SUPT3H: variants seen among roughly 807,000 people sequenced by gnomAD.
SUPT3H encodes transcription initiation protein SPT3 homolog.
A neutral mutation model predicts 44.3 loss-of-function variants in SUPT3H; 44 were observed. The ratio of observed to expected loss-of-function variants is 0.99; its 90% CI spans 0.78 to 1.28. The LOEUF (loss-of-function observed/expected upper bound fraction) is 1.28. SUPT3H is among the 50% of genes most tolerant of loss of function. The probability of loss-of-function intolerance (pLI) is 0.00; values close to 1 mark genes in which losing one functional copy is unlikely to be tolerated. For synonymous variants in SUPT3H, 124 were observed against 125.6 expected (o/e 0.99, Z 0.09); for missense variants, 380 against 387.1 (o/e 0.98, Z 0.15).
At chr6:45,047,049 T>C (rs935754188) in intron 3 of SUPT3H, among the ~76,000 whole-genome samples, 1 of 152,228 alleles carries the variant, frequency 6.6e-6, no homozygotes, top group Non-Finnish European at 1.5e-5. Flanking sequence ...TCGATTAACA[T>C]TGTATCTTTG....
intron 2 of SUPT3H, among the ~76,000 whole-genome samples, chr6:45,267,991 T>C (rs1330634591): frequency 3.3e-5 from 5 of 152,306 alleles, no homozygotes; most frequent in African/African-American, 9.6e-5. Context: ...AAAAGAGTTA[T>C]AGGTACATTA....
At chr6:45,155,933 A>T (rs1807742893) in intron 2 of SUPT3H, among the ~76,000 whole-genome samples, 1 of 152,162 alleles carries the variant, frequency 6.6e-6, no homozygotes. Flanking sequence ...ATATTTTTGA[A>T]CTATACCTTA....
At chr6:45,063,120 G>C (rs9472431) in intron 3 of SUPT3H, among the ~76,000 whole-genome samples, 6 of 133,790 alleles carry the variant, frequency 4.5e-5, no homozygotes, top group African/African-American at 1.1e-4. Context: ...ATCTGAGAAC[G>C]GGCAGACTGC....
At chr6:44,952,049 G>GA (rs1000028540) in intron 9 of SUPT3H, among the ~76,000 whole-genome samples, 1 of 151,974 alleles carries the variant, frequency 6.6e-6, no homozygotes, top group African/African-American at 2.4e-5. Flanking sequence ...CCTTTTCTAA[G>GA]AAAAAAATGG....
chr6:44,887,315 A>AT (rs570954489), intron 10 of SUPT3H, among the ~76,000 whole-genome samples: 3 of 152,190 alleles, frequency 2.0e-5, no homozygotes, highest in South Asian at 2.1e-4. Context: ...CAGAATATAC[A>AT]TTTTTTTCAG....
downstream of SUPT3H, among the ~76,000 whole-genome samples, chr6:44,826,385 G>A (rs1428417988): frequency 6.6e-6 from 1 of 152,212 alleles, no homozygotes; most frequent in African/African-American, 2.4e-5. Flanking sequence ...CTGTGTTGCT[G>A]GAGAATTAGC....
chr6:44,836,744 C>G (rs940798658), intron 10 of SUPT3H, among the ~76,000 whole-genome samples: 3 of 151,900 alleles, frequency 2.0e-5, no homozygotes, highest in African/African-American at 7.3e-5. Flanking sequence ...TGTTGTTGAG[C>G]AAAATAATTA....
At chr6:45,263,313 C>T (rs1323543933) in intron 2 of SUPT3H, among the ~76,000 whole-genome samples, 3 of 152,176 alleles carry the variant, frequency 2.0e-5, no homozygotes, top group Middle Eastern at 3.4e-3. Flanking sequence ...ATAAAAAGAA[C>T]GAATTATGTC....
chr6:44,868,394 T>C (rs1370357565), intron 10 of SUPT3H, among the ~76,000 whole-genome samples: 1 of 152,204 alleles, frequency 6.6e-6, no homozygotes, highest in Non-Finnish European at 1.5e-5. Flanking sequence ...TAAAGAAAAG[T>C]CTCTAAGGAT....
At chr6:45,149,885 C>T (rs1806645855) in intron 2 of SUPT3H, among the ~76,000 whole-genome samples, 1 of 152,092 alleles carries the variant, frequency 6.6e-6, no homozygotes, top group Non-Finnish European at 1.5e-5. Context: ...ACTTCTTGGC[C>T]TTTTGGCTAA....
chr6:44,826,377 G>A (rs1767755144), downstream of SUPT3H, among the ~76,000 whole-genome samples: 2 of 152,186 alleles, frequency 1.3e-5, no homozygotes, highest in South Asian at 4.1e-4. Context: ...ATAAGAAACT[G>A]TGTTGCTGGA....
chr6:45,354,518 CGCT>C (rs1030585333), intron 2 of SUPT3H, among the ~76,000 whole-genome samples: 4 of 151,414 alleles, frequency 2.6e-5, no homozygotes, highest in African/African-American at 9.7e-5. Flanking sequence ...CTTCTACTGC[CGCT>C]GCTAACTCAT....
intron 2 of SUPT3H, among the ~76,000 whole-genome samples, chr6:45,334,146 T>C (rs918524167): frequency 6.6e-6 from 1 of 151,230 alleles, no homozygotes; most frequent in Non-Finnish European, 1.5e-5. Flanking sequence ...ATCAGATTAG[T>C]GACATTTCTA....
intron 10 of SUPT3H, among the ~76,000 whole-genome samples, chr6:44,885,596 C>T (rs1436889244): frequency 2.6e-5 from 4 of 152,088 alleles, no homozygotes; most frequent in African/African-American, 9.7e-5. Flanking sequence ...AAAGGACATC[C>T]ACAGCAAAAA....
At chr6:45,371,880 A>C (rs1796124535) in intron 1 of SUPT3H, 1 of 967,766 alleles carries the variant, frequency 1.0e-6, no homozygotes. Flanking sequence ...CAAATCCCTC[A>C]TTTTTCAGGT....
chr6:45,359,564 A>G (rs148277123), intron 2 of SUPT3H, among the ~76,000 whole-genome samples: 5 of 152,174 alleles, frequency 3.3e-5, no homozygotes, highest in African/African-American at 1.2e-4. Flanking sequence ...AGACATTTAA[A>G]TATTCAAATA....
chr6:45,014,950 T>C (rs1359335947), intron 4 of SUPT3H, 59 bp from the exon 5 acceptor site: 4 of 1,076,514 alleles, frequency 3.7e-6, no homozygotes, highest in Non-Finnish European at 5.0e-6. Context: ...ACTTTACTGA[T>C]TAAAGACTAC....
intron 3 of SUPT3H, among the ~76,000 whole-genome samples, chr6:45,039,327 A>T (rs567003893): frequency 6.6e-6 from 1 of 152,298 alleles, no homozygotes; most frequent in African/African-American, 2.4e-5. Flanking sequence ...TTTCAAATCT[A>T]CTTTGCTGAG....
chr6:44,998,578 G>C (rs1781576503), intron 6 of SUPT3H, among the ~76,000 whole-genome samples: 1 of 150,928 alleles, frequency 6.6e-6, no homozygotes, highest in South Asian at 2.2e-4. Flanking sequence ...AATAAAAGTG[G>C]TAACAGTGGG....
Sources: gnomAD v4.1 joint callset for allele counts (sites outside exome capture counted in the v4.1 genomes callset) on GRCh38, gnomAD v4.1.1 for gene constraint, MANE v1.5 for transcripts, NCBI Gene and HGNC (gene_info 2026-07-23, HGNC 2026-07-21) for gene names.